Variants in TIAM2 observed in about 807,000 individuals in gnomAD.
The protein encoded by TIAM2 is TIAM Rac1 associated GEF 2.
A neutral mutation model predicts 152.9 loss-of-function variants in TIAM2; 80 were observed. The ratio of observed to expected loss-of-function variants is 0.52; its 90% confidence interval spans 0.44 to 0.63. TIAM2 has a LOEUF of 0.63. Among genes scored for constraint, TIAM2 ranks in the 30% least tolerant of loss-of-function variants. TIAM2 has a pLI of 0.00. For missense variants in TIAM2, 1,965 were observed against 2,120.1 expected (o/e 0.93, Z 1.44); for synonymous variants, 804 against 838.0 (o/e 0.96, Z 0.70).
chr6:155,104,035 C>CAG (rs1778611270), intron 2 of TIAM2, among the ~76,000 whole-genome samples: 1 of 104,634 alleles, frequency 9.6e-6, no homozygotes, highest in Non-Finnish European at 1.9e-5. Flanking sequence ...ACCTCACACA[C>CAG]ACACACCCCC....
At chr6:155,061,727 G>A (rs1308939117) in intron 1 of TIAM2, among the ~76,000 whole-genome samples, 2 of 152,166 alleles carry the variant, frequency 1.3e-5, no homozygotes, top group African/African-American at 2.4e-5. Flanking sequence ...CTGTAGTGAA[G>A]TTGTGTCATA....
intron 1 of TIAM2, among the ~76,000 whole-genome samples, chr6:155,031,630 G>A (rs1215647451): frequency 1.3e-5 from 2 of 152,140 alleles, no homozygotes; most frequent in Non-Finnish European, 2.9e-5. Context: ...AGGCTGAGGT[G>A]GGAGGATCAC....
At chr6:155,034,164 C>T (rs1257940435) in intron 1 of TIAM2, among the ~76,000 whole-genome samples, 2 of 152,030 alleles carry the variant, frequency 1.3e-5, no homozygotes, top group Admixed American at 1.3e-4. Flanking sequence ...TGCTTTGCCC[C>T]TGCCTTCATC....
chr6:155,160,650 T>C (rs1780245372), intron 7 of TIAM2, among the ~76,000 whole-genome samples: 1 of 151,950 alleles, frequency 6.6e-6, no homozygotes, highest in Non-Finnish European at 1.5e-5. Flanking sequence ...GCACTTGTGG[T>C]CTTGAGAGGC....
At chr6:155,108,406 G>A (rs968661898) in intron 2 of TIAM2, among the ~76,000 whole-genome samples, 1 of 152,156 alleles carries the variant, frequency 6.6e-6, no homozygotes, top group African/African-American at 2.4e-5. Context: ...CTGAGAGCAG[G>A]AACAGTGCAC....
chr6:155,172,129 T>C (rs573140434), intron 9 of TIAM2, among the ~76,000 whole-genome samples: 11 of 152,296 alleles, frequency 7.2e-5, no homozygotes, highest in African/African-American at 2.4e-4. Context: ...TAATAATAAA[T>C]ACTTCTGTGG....
intron 8 of TIAM2, 72 bp downstream of exon 8, chr6:155,164,672 G>T: frequency 6.6e-7 from 1 of 1,525,952 alleles, no homozygotes; most frequent in East Asian, 2.3e-5. Context: ...TCTTCAGCTT[G>T]TTGCCATCGG....
At chr6:155,024,652 TAAAAA>T (rs58181899) in intron 1 of TIAM2, among the ~76,000 whole-genome samples, 7 of 146,936 alleles carry the variant, frequency 4.8e-5, no homozygotes, top group African/African-American at 1.7e-4. Context: ...TCCATGTCTT[TAAAAA>T]AAAAAAAAAA....
At chr6:155,057,944 G>C (rs1177326541) in intron 1 of TIAM2, among the ~76,000 whole-genome samples, 2 of 152,064 alleles carry the variant, frequency 1.3e-5, no homozygotes, top group Non-Finnish European at 2.9e-5. Context: ...TTACTTATCT[G>C]TTCAATCCTT....
At position 154,998,926 on chromosome 6, in the gene TIAM2, A is replaced by G. The variant is rs1047199708; in HGVS notation, c.-209+3434A>G. On this transcript the variant is annotated intron_variant, in intron 1 of 26. Transcript: ENST00000682666. Reference sequence around the variant, plus strand: ...TTGAAAGTATAGGCTTAATTTTAAGATCTCAGGGAAAGAAAAGATTTTCAG... The same window carrying G: ...TTGAAAGTATAGGCTTAATTTTAAGGTCTCAGGGAAAGAAAAGATTTTCAG... Among the ~76,000 whole-genome samples the G allele has an allele frequency of 2.0e-5, 3 of 151,140 alleles. No homozygotes were observed. The South Asian group carries it at 6.4e-4, about 32-fold the overall frequency.
At position 155,179,059 on chromosome 6, in the gene TIAM2, C is replaced by T. The variant is rs549919627; in HGVS notation, c.2544C>T (p.Ser848=). ...LACKMRQLEP[S]HYGLQLRKLV... Reference sequence around the variant, plus strand: ...TATAGATGAGGCAGTTGGAACCCAGCCATTATGGCCTACAGCTTCGAAAAT... The same window carrying T: ...TATAGATGAGGCAGTTGGAACCCAGTCATTATGGCCTACAGCTTCGAAAAT... Residue 848 remains serine (S), a synonymous_variant, in exon 11 of 27, where the codon AGC becomes AGT. Transcript: ENST00000682666. The T allele has an allele frequency of 6.7e-5, 108 of 1,613,848 alleles. No homozygotes were observed. In the South Asian group the frequency reaches 1.1e-3, roughly 17 times the overall value.
intron 15 of TIAM2, among the ~76,000 whole-genome samples, chr6:155,238,059 C>T (rs1782862545): frequency 6.6e-6 from 1 of 152,234 alleles, no homozygotes; most frequent in South Asian, 2.1e-4. Flanking sequence ...CTCTATAAGG[C>T]TGAATGCCTT....
At chr6:155,255,174 G>A (rs1307446333) in intron 26 of TIAM2, 2 of 152,420 alleles carry the variant, frequency 1.3e-5, no homozygotes, top group Admixed American at 1.3e-4. Flanking sequence ...ACTGAAGGCA[G>A]GCTAGGCTAA....
chr6:155,164,235 A>C (rs1000927924), intron 7 of TIAM2, among the ~76,000 whole-genome samples, 180 bp from the exon 8 acceptor site: 1 of 148,558 alleles, frequency 6.7e-6, no homozygotes. Flanking sequence ...TCGCTTTCCA[A>C]AGGACCCAAT....
intron 2 of TIAM2, among the ~76,000 whole-genome samples, chr6:155,115,787 G>A (rs562943242): frequency 1.5e-3 from 222 of 152,310 alleles, no homozygotes; most frequent in South Asian, 2.3e-3. Context: ...AACCTATGAG[G>A]ATTCTTGTGC....
chr6:155,108,721 T>C (rs1310782044), intron 2 of TIAM2, among the ~76,000 whole-genome samples: 1 of 151,994 alleles, frequency 6.6e-6, no homozygotes, highest in East Asian at 1.9e-4. Flanking sequence ...GTCCTTCACT[T>C]ACCCATTAAG....
At position 155,129,448 on chromosome 6, in the gene TIAM2, A is replaced by C; in HGVS notation, c.225A>C (p.Ala75=). 1 of 1,614,072 alleles carries C rather than the reference A, an allele frequency of 6.2e-7. No individual in the cohort carries two copies. Among genetic ancestry groups the C allele is most frequent in the Non-Finnish European group, 8.5e-7 (1 of 1,180,012 alleles). Residue 75 remains alanine (A), a synonymous_variant, in exon 4 of 27, where the codon GCA becomes GCC. Coordinates refer to ENST00000682666, the MANE Select transcript of TIAM2 (RefSeq NM_012454.4). This position sits in a 1 kb window ranked among gnomAD's most constrained non-coding sequence, Gnocchi z 4.8. ...LSHFKSNQPY[A]SRLGGPTCKV... is the part of the protein sequence containing the mutation. Reference sequence around the variant, plus strand: ...ACTTTAAGAGTAACCAGCCTTACGCATCGAGACTCGGTGGCCCCACATGCA... The same window carrying C: ...ACTTTAAGAGTAACCAGCCTTACGCCTCGAGACTCGGTGGCCCCACATGCA...
intron 15 of TIAM2, among the ~76,000 whole-genome samples, chr6:155,227,575 A>G (rs1782292978): frequency 6.6e-6 from 1 of 152,214 alleles, no homozygotes; most frequent in Non-Finnish European, 1.5e-5. Flanking sequence ...TGTAGAAGAA[A>G]GGGGAGAAAA....
intron 9 of TIAM2, among the ~76,000 whole-genome samples, chr6:155,172,344 G>A (rs1436549229): frequency 6.6e-6 from 1 of 151,936 alleles, no homozygotes; most frequent in Admixed American, 6.6e-5. Context: ...AGTGGCCATC[G>A]CTGAAATGCA....
Sources: allele counts gnomAD v4.1 joint callset (sites outside exome capture counted in the v4.1 genomes callset), GRCh38; gene constraint gnomAD v4.1.1; non-coding constraint Gnocchi (gnomAD v3.1); transcripts MANE v1.5; gene names NCBI Gene and HGNC (gene_info 2026-07-23, HGNC 2026-07-21).